CDH18: variants seen among roughly 807,000 people sequenced by gnomAD.
The protein encoded by CDH18 is cadherin-18.
Under a neutral mutation model 67.9 loss-of-function variants are expected in CDH18, and 31 were observed. That is an observed-to-expected ratio of 0.46 (90% CI 0.34 to 0.62). CDH18 has a LOEUF of 0.62. Ranked by LOEUF, CDH18 falls within the 20% of genes least tolerant of loss-of-function variation. The pLI is 0.01. For synonymous variants in CDH18, 362 were observed against 347.2 expected (o/e 1.04, Z -0.48); for missense variants, 890 against 975.5 (o/e 0.91, Z 1.17).
At chr5:20,194,557 G>A (rs1299812384) in intron 2 of CDH18, among the ~76,000 whole-genome samples, 3 of 152,020 alleles carry the variant, frequency 2.0e-5, no homozygotes, top group South Asian at 4.1e-4. Flanking sequence ...CGTGGGTTGA[G>A]GCTCAAGAAG....
At chr5:19,892,605 A>C (rs1788896522) in intron 2 of CDH18, among the ~76,000 whole-genome samples, 1 of 152,048 alleles carries the variant, frequency 6.6e-6, no homozygotes, top group African/African-American at 2.4e-5. Flanking sequence ...GACCAATAAG[A>C]ATATTGTAGA....
chr5:19,563,431 G>T (rs970973234), intron 8 of CDH18, among the ~76,000 whole-genome samples: 3 of 152,114 alleles, frequency 2.0e-5, no homozygotes, highest in African/African-American at 7.2e-5. Flanking sequence ...GACAATGAAT[G>T]GTAACAATTT....
chr5:20,483,397 T>C, intron 1 of CDH18, among the ~76,000 whole-genome samples: 1 of 151,962 alleles, frequency 6.6e-6, no homozygotes, highest in East Asian at 1.9e-4. Context: ...ATAATGCGTT[T>C]CACAGAAATA....
intron 3 of CDH18, among the ~76,000 whole-genome samples, chr5:19,809,817 G>A (rs1778450171): frequency 6.6e-6 from 1 of 152,022 alleles, no homozygotes; most frequent in Non-Finnish European, 1.5e-5. Context: ...AAAGTTTAAA[G>A]GGATTCCACT....
At chr5:19,795,862 A>G (rs1776799932) in intron 3 of CDH18, among the ~76,000 whole-genome samples, 1 of 152,146 alleles carries the variant, frequency 6.6e-6, no homozygotes, top group East Asian at 1.9e-4. Flanking sequence ...AACGAAGTGA[A>G]ATATACATAA....
chr5:19,758,937 CAA>C (rs1194063945), intron 3 of CDH18, among the ~76,000 whole-genome samples: 2 of 152,322 alleles, frequency 1.3e-5, no homozygotes, highest in East Asian at 3.9e-4. Context: ...GAAAAGCGAT[CAA>C]AGTCTCTCTG....
chr5:20,189,362 T>A (rs1738356696), intron 2 of CDH18, among the ~76,000 whole-genome samples: 1 of 152,142 alleles, frequency 6.6e-6, no homozygotes, highest in South Asian at 2.1e-4. Context: ...CGTGTGCTTT[T>A]TCTTCAGGAA....
intron 2 of CDH18, among the ~76,000 whole-genome samples, chr5:19,876,975 C>G (rs1410350122): frequency 6.6e-6 from 1 of 152,022 alleles, no homozygotes; most frequent in East Asian, 1.9e-4. Flanking sequence ...TTTGCTCTAC[C>G]CATCTGGTGG....
At chr5:19,770,641 C>A (rs976612037) in intron 3 of CDH18, among the ~76,000 whole-genome samples, 1 of 151,726 alleles carries the variant, frequency 6.6e-6, no homozygotes, top group African/African-American at 2.4e-5. Flanking sequence ...AAAAGGAAGA[C>A]CAAGACAGAC....
chr5:20,246,939 T>A (rs1743424214), intron 2 of CDH18, among the ~76,000 whole-genome samples: 1 of 152,112 alleles, frequency 6.6e-6, no homozygotes, highest in South Asian at 2.1e-4. Context: ...CAAGGCAACA[T>A]CCCATGATAG....
intron 2 of CDH18, among the ~76,000 whole-genome samples, chr5:20,021,216 A>T (rs1175692038): frequency 6.6e-6 from 1 of 152,088 alleles, no homozygotes; most frequent in African/African-American, 2.4e-5. Flanking sequence ...TGCAAGTAAC[A>T]AATTTATTTT....
chr5:19,765,131 G>A (rs182400501), intron 3 of CDH18, among the ~76,000 whole-genome samples: 7 of 152,114 alleles, frequency 4.6e-5, no homozygotes, highest in Non-Finnish European at 8.8e-5. Context: ...GTTCTCATGT[G>A]TATTCTCAGC....
At chr5:20,452,824 T>C (rs1561016838) in intron 1 of CDH18, among the ~76,000 whole-genome samples, 1 of 152,116 alleles carries the variant, frequency 6.6e-6, no homozygotes, top group Non-Finnish European at 1.5e-5. Context: ...AGAATTAAAA[T>C]GCATTGGATA....
At chr5:20,323,357 G>A (rs1035553123) in intron 1 of CDH18, among the ~76,000 whole-genome samples, 10 of 152,090 alleles carry the variant, frequency 6.6e-5, no homozygotes, top group African/African-American at 2.4e-4. Flanking sequence ...TCCTAAACTT[G>A]GGTCCTTCAT....
At chr5:19,616,772 C>T (rs1749904787) in intron 5 of CDH18, among the ~76,000 whole-genome samples, 1 of 152,138 alleles carries the variant, frequency 6.6e-6, no homozygotes, top group Admixed American at 6.6e-5. Context: ...ATTTATTTCT[C>T]ACACTTCCAG....
At position 20,517,241 on chromosome 5, in the gene CDH18, A is replaced by G. The variant is rs370006371; in HGVS notation, c.-580+58221T>C. Among the ~76,000 whole-genome samples, 34 of 151,860 alleles carry G rather than the reference A, an allele frequency of 2.2e-4. 1 individual carries two copies. In the East Asian group the frequency reaches 5.4e-3, roughly 24 times the overall value. On this transcript the variant is annotated intron_variant, in intron 1 of 14. Transcript: ENST00000507958. ...ACTAAATTTTAAATCATGAATAGAG[A>G]GAAAATATAATACTTGAAAAATTAT...
chr5:20,108,569 C>T (rs1747189750), intron 2 of CDH18, among the ~76,000 whole-genome samples: 2 of 152,096 alleles, frequency 1.3e-5, no homozygotes, highest in South Asian at 4.1e-4. Flanking sequence ...TCACCACACT[C>T]ATCCCTCCAC....
At chr5:20,344,527 C>G (rs189055686) in intron 1 of CDH18, among the ~76,000 whole-genome samples, 129 of 151,544 alleles carry the variant, frequency 8.5e-4, no homozygotes, top group African/African-American at 3.1e-3. Flanking sequence ...TAAGTACTCC[C>G]AGAGCAATAA....
intron 2 of CDH18, among the ~76,000 whole-genome samples, chr5:20,136,082 G>A (rs1749690907): frequency 6.6e-6 from 1 of 152,166 alleles, no homozygotes; most frequent in African/African-American, 2.4e-5. Context: ...ATTTGGGGTG[G>A]AGAGTTCTGT....
Sources: gnomAD v4.1 joint callset for allele counts (sites outside exome capture counted in the v4.1 genomes callset) on GRCh38, gnomAD v4.1.1 for gene constraint, MANE v1.5 for transcripts, NCBI Gene and HGNC (gene_info 2026-07-23, HGNC 2026-07-21) for gene names.